THOC1: variants seen among roughly 807,000 people sequenced by gnomAD.
THOC1 encodes THO complex subunit 1.
THOC1 carries 29 observed loss-of-function variants against 97.3 expected under a neutral mutation model. That is an observed-to-expected ratio of 0.30 (90% CI 0.22 to 0.41). The LOEUF is 0.41. Ranked by LOEUF, THOC1 falls within the 10% of genes least tolerant of loss-of-function variation. THOC1 has a pLI of 1.00. For synonymous variants in THOC1, 255 were observed against 257.0 expected, an observed-to-expected ratio of 0.99 and a Z score of 0.07; for missense variants, 529 against 761.9, an observed-to-expected ratio of 0.69 and a Z score of 3.60.
chr18:223,555 A>G, intron 16 of THOC1, 50 bp from the exon 17 acceptor site: 5 of 1,403,244 alleles, frequency 3.6e-6, no homozygotes, highest in Non-Finnish European at 3.9e-6. Context: ...CACCATCCTC[A>G]TGTGCCTTGA....
intron 11 of THOC1, among the ~76,000 whole-genome samples, chr18:234,323 C>A (rs2143203841): frequency 6.6e-6 from 1 of 152,234 alleles, no homozygotes; most frequent in African/African-American, 2.4e-5. Flanking sequence ...CGGTGTTGAA[C>A]AGAAATATGG....
chr18:241,646 T>G (rs1032441823), intron 11 of THOC1, among the ~76,000 whole-genome samples: 1 of 152,200 alleles, frequency 6.6e-6, no homozygotes, highest in Non-Finnish European at 1.5e-5. Context: ...AAAGCCTATA[T>G]CTAATTAGTG....
chr18:215,524 ATGTT>A lies in THOC1; in HGVS notation c.1603-24_1603-21del. On this transcript the variant is annotated intron_variant, in intron 19 of 20. Transcript: ENST00000261600. ...AGGAGGCTAAAAATGAGAAAGAAGAATGTTTGAAAGAATGCCAGCCTCTGAAGTA... is the reference window on the plus strand; with the variant it reads ...AGGAGGCTAAAAATGAGAAAGAAGAATGAAAGAATGCCAGCCTCTGAAGTA... 4 of 1,597,420 alleles carry A rather than the reference ATGTT, an allele frequency of 2.5e-6. No individual in the cohort carries two copies. The highest frequency in any genetic ancestry group is 2.2e-5 in the South Asian group (2 of 90,580).
chr18:266,938 T>C (rs2143316755), intron 1 of THOC1, among the ~76,000 whole-genome samples: 1 of 151,906 alleles, frequency 6.6e-6, no homozygotes, highest in East Asian at 1.9e-4. Context: ...TATGATGACA[T>C]ACACAAAATA....
chr18:252,878 A>G (rs1207143248), intron 8 of THOC1, among the ~76,000 whole-genome samples: 1 of 152,216 alleles, frequency 6.6e-6, no homozygotes, highest in Non-Finnish European at 1.5e-5. Flanking sequence ...AACATAATCA[A>G]TAGATTCCCT....
chr18:229,543 G>A (rs916368181), intron 11 of THOC1, among the ~76,000 whole-genome samples: 15 of 152,032 alleles, frequency 9.9e-5, no homozygotes, highest in South Asian at 6.2e-4. Flanking sequence ...TTAGCGGGGC[G>A]TGGTGGTGCA....
chr18:218,478 G>A (rs1416622948), intron 18 of THOC1, among the ~76,000 whole-genome samples: 1 of 152,100 alleles, frequency 6.6e-6, no homozygotes, highest in African/African-American at 2.4e-5. Flanking sequence ...GAGGTGGAGT[G>A]GGCAACGAGG....
At position 239,672 on chromosome 18, in the gene THOC1, C is replaced by T. The variant is rs115347873; in HGVS notation, c.918+6652G>A. Among the ~76,000 whole-genome samples, 775 of 152,224 alleles carry T rather than the reference C, an allele frequency of 5.1e-3. 6 individuals carry two copies. The highest frequency in any genetic ancestry group is 0.017 in the African/African-American group (725 of 41,532). On this transcript the variant is annotated intron_variant, in intron 11 of 20. Coordinates refer to ENST00000261600, the MANE Select transcript of THOC1 (RefSeq NM_005131.3). ...TAACATGTTTGTTCTTCATAACACTCAGGATGAAATAAATCAGTTAATGTT... is the reference window on the plus strand; with the variant it reads ...TAACATGTTTGTTCTTCATAACACTTAGGATGAAATAAATCAGTTAATGTT...
chr18:262,986 C>T (rs1016724282), intron 4 of THOC1, among the ~76,000 whole-genome samples: 2 of 152,162 alleles, frequency 1.3e-5, no homozygotes, highest in African/African-American at 4.8e-5. Context: ...GCATTGTTTA[C>T]CCGAAGTCTT....
chr18:225,393 CAT>C lies in THOC1; in HGVS notation c.1028_1029del (p.Tyr343CysfsTer4), dbSNP rs1911245474. 1 of 1,613,136 alleles carries C rather than the reference CAT, an allele frequency of 6.2e-7. No homozygotes were observed. Among genetic ancestry groups the C allele is most frequent in the Non-Finnish European group, 8.5e-7 (1 of 1,179,622 alleles). On this transcript the variant is annotated frameshift_variant, in exon 13 of 21. Transcript: ENST00000261600. LOFTEE classifies it high-confidence loss of function. ...KGQVKFKSSN[Y>X]VLTDEQSLWI... The stretch of plus-strand genomic sequence containing the variant: ...CAAAGTGATTGCTCATCAGTTAAAA[CAT>C]AGTTTGAACTAGGGAACAAAGCAAT...
chr18:248,078 T>A (rs1912153351), intron 9 of THOC1, 121 bp from the exon 10 acceptor site: 2 of 641,402 alleles, frequency 3.1e-6, no homozygotes, highest in Non-Finnish European at 5.1e-6. Flanking sequence ...ATCAGAAAAG[T>A]ACACATTCAC....
chr18:219,884 C>T (rs1400211534), intron 17 of THOC1, among the ~76,000 whole-genome samples: 1 of 152,086 alleles, frequency 6.6e-6, no homozygotes, highest in African/African-American at 2.4e-5. Context: ...ACCTTTAGCT[C>T]TTATTTAAAT....
At chr18:229,137 A>T (rs1042450255) in intron 11 of THOC1, among the ~76,000 whole-genome samples, 1 of 152,028 alleles carries the variant, frequency 6.6e-6, no homozygotes. Flanking sequence ...CATCTGGATT[A>T]CCTTCCATCT....
In THOC1 at chr18:264,062, C is replaced by G; in HGVS notation, c.220G>C (p.Ala74Pro). Residue 74 changes from alanine to proline, a missense_variant, in exon 4 of 21, where the codon GCT (alanine) becomes CCT (proline). Coordinates refer to ENST00000261600, the MANE Select transcript of THOC1 (RefSeq NM_005131.3). ...CCCCCAATAGCAAGAGAAATAATAG[C>G]TAAAACGTTTTCACATGATGAATGA... ...INHSSCENVLAIISLAIGGVT... is the reference protein window; with the variant it reads ...INHSSCENVLPIISLAIGGVT... 1 of 1,612,412 alleles carries G rather than the reference C, an allele frequency of 6.2e-7. No homozygotes were observed. The highest frequency in any genetic ancestry group is 8.5e-7 in the Non-Finnish European group (1 of 1,179,010).
intron 11 of THOC1, among the ~76,000 whole-genome samples, chr18:239,815 T>C (rs1213622100): frequency 6.6e-6 from 1 of 152,210 alleles, no homozygotes; most frequent in Non-Finnish European, 1.5e-5. Context: ...TAAACACTTG[T>C]ATATAATAGA....
At chr18:218,820 C>A in intron 18 of THOC1, 66 bp downstream of exon 18, 1 of 1,363,702 alleles carries the variant, frequency 7.3e-7, no homozygotes, top group South Asian at 1.3e-5. Flanking sequence ...TTCTAGTATA[C>A]ACACAATTCC....
At chr18:236,394 C>G (rs1214098749) in intron 11 of THOC1, among the ~76,000 whole-genome samples, 1 of 140,160 alleles carries the variant, frequency 7.1e-6, no homozygotes. Context: ...CTCGCTCTGT[C>G]GCCCAGGCGG....
intron 11 of THOC1, among the ~76,000 whole-genome samples, chr18:237,144 T>C (rs1911732639): frequency 1.3e-5 from 2 of 149,250 alleles, no homozygotes; most frequent in South Asian, 4.3e-4. Context: ...GTACTAAATC[T>C]CTCATGTACT....
At chr18:238,331 G>A (rs1911780567) in intron 11 of THOC1, among the ~76,000 whole-genome samples, 1 of 152,206 alleles carries the variant, frequency 6.6e-6, no homozygotes, top group Admixed American at 6.5e-5. Context: ...CTTTTATTTA[G>A]TAAAAAGGTA....
Sources: allele counts gnomAD v4.1 joint callset (sites outside exome capture counted in the v4.1 genomes callset), GRCh38; gene constraint gnomAD v4.1.1; transcripts MANE v1.5; gene names NCBI Gene and HGNC (gene_info 2026-07-23, HGNC 2026-07-21).